The following SFXN1 variants were observed in gnomAD, a reference collection of about 807,000 sequenced individuals.
SFXN1 encodes sideroflexin 1, also known as sideroflexin-1.
A neutral mutation model predicts 39.5 loss-of-function variants in SFXN1; 32 were observed. The ratio of observed to expected loss-of-function variants is 0.81; its 90% CI spans 0.61 to 1.09. SFXN1 has a LOEUF of 1.09. Ranked by LOEUF, SFXN1 falls within the 50% of genes least tolerant of loss-of-function variation. The pLI is 0.00. For synonymous variants in SFXN1, 136 were observed against 146.5 expected (o/e 0.93, Z 0.52); for missense variants, 402 against 407.1 (o/e 0.99, Z 0.11).
chr5:175,491,142 C>T (rs1397797140), intron 1 of SFXN1, among the ~76,000 whole-genome samples: 2 of 152,204 alleles, frequency 1.3e-5, no homozygotes, highest in Non-Finnish European at 2.9e-5. Context: ...AGTAATGGCT[C>T]TTTAGCCAGA....
At chr5:175,522,063 A>C (rs1267535645) in intron 9 of SFXN1, 95 bp downstream of exon 9, 7 of 1,017,970 alleles carry the variant, frequency 6.9e-6, no homozygotes, top group Non-Finnish European at 1.0e-5. Context: ...ACAAATTTTG[A>C]AAATGAGGCC....
intron 6 of SFXN1, among the ~76,000 whole-genome samples, chr5:175,512,892 C>T (rs930786319): frequency 3.3e-5 from 5 of 152,116 alleles, no homozygotes; most frequent in African/African-American, 4.8e-5. Context: ...TTAGTGTGTC[C>T]ACCCTTTGAA....
At chr5:175,499,839 G>C (rs1458539255) in intron 2 of SFXN1, among the ~76,000 whole-genome samples, 4 of 152,106 alleles carry the variant, frequency 2.6e-5, no homozygotes, top group Non-Finnish European at 5.9e-5. Context: ...GACAAAGATA[G>C]GAAATGAAAA....
rs757365315 is a variant in SFXN1, at chr5:175,516,713, A to G, written c.774+50A>G. On this transcript the variant is annotated intron_variant, in intron 8 of 10. Transcript: ENST00000321442. ...TTCTCAACCCTTTTTATTTCTTTTC[A>G]GATTTCAAACCGTATAGATTATTTG... The G allele has an allele frequency of 2.5e-5, 40 of 1,582,712 alleles. No homozygotes were observed. In the Admixed American group the frequency reaches 6.8e-4, roughly 27 times the overall value.
intron 1 of SFXN1, among the ~76,000 whole-genome samples, chr5:175,488,352 G>A (rs567627121): frequency 6.7e-6 from 1 of 149,984 alleles, no homozygotes; most frequent in Non-Finnish European, 1.5e-5. Context: ...GCCCAGGCTG[G>A]AGTGCAATGG....
Position 175,526,676 on chromosome 5 carries a change from C to G in SFXN1, c.911C>G (p.Ala304Gly). Residue 304 changes from alanine to glycine, a missense_variant, in exon 11 of 11, where the codon GCT becomes GGT. By Grantham distance (60) the Ala-to-Gly change is moderately conservative. Coordinates refer to ENST00000321442, the MANE Select transcript of SFXN1 (RefSeq NM_022754.7). ...SVTSLEAELQAKIQESHPELR... is the reference protein window; with the variant it reads ...SVTSLEAELQGKIQESHPELR... The stretch of plus-strand genomic sequence containing the variant: ...ACAAGCTTGGAGGCCGAGTTGCAAG[C>G]TAAGATCCAAGAGAGCCATCCTGAA... The G allele has an allele frequency of 6.2e-7, 1 of 1,614,208 alleles. No individual in the cohort carries two copies. The highest frequency in any genetic ancestry group is 8.5e-7 in the Non-Finnish European group (1 of 1,180,040).
chr5:175,506,674 C>A (rs1367724255), intron 2 of SFXN1, among the ~76,000 whole-genome samples: 4 of 149,180 alleles, frequency 2.7e-5, no homozygotes, highest in South Asian at 2.1e-4. Flanking sequence ...GTATTCATTT[C>A]TTTTTTTTTT....
chr5:175,498,152 T>C (rs1759936072), intron 2 of SFXN1, among the ~76,000 whole-genome samples: 1 of 152,246 alleles, frequency 6.6e-6, no homozygotes, highest in African/African-American at 2.4e-5. Context: ...TAAGGAATTG[T>C]ACTCTGAGGA....
At chr5:175,483,957 T>C (rs1477087192) in intron 1 of SFXN1, 2 of 152,300 alleles carry the variant, frequency 1.3e-5, no homozygotes, top group African/African-American at 4.8e-5. Context: ...ACACATTCTT[T>C]GGCGTCCCGT....
chr5:175,504,435 C>T (rs1005612699), intron 2 of SFXN1, among the ~76,000 whole-genome samples: 3 of 151,750 alleles, frequency 2.0e-5, no homozygotes, highest in South Asian at 2.1e-4. Context: ...ACTAACCGGG[C>T]GTGGTGGCGC....
At chr5:175,519,701 C>T (rs933488948) in intron 8 of SFXN1, among the ~76,000 whole-genome samples, 1 of 151,858 alleles carries the variant, frequency 6.6e-6, no homozygotes, top group African/African-American at 2.4e-5. Context: ...GAAAAACATT[C>T]GGGGTGGTGA....
intron 8 of SFXN1, 25 bp from the exon 9 acceptor site, chr5:175,521,894 C>T: frequency 6.3e-7 from 1 of 1,580,266 alleles, no homozygotes. Flanking sequence ...AAAAAGTATT[C>T]AAAGCCATTT....
chr5:175,480,217 C>T (rs1032654096), intron 1 of SFXN1, among the ~76,000 whole-genome samples: 9 of 152,030 alleles, frequency 5.9e-5, no homozygotes, highest in Non-Finnish European at 1.0e-4. Flanking sequence ...CTGGCTAAGC[C>T]GGTGAAACCC....
At chr5:175,524,125 A>AATATAT (rs771042074) in intron 10 of SFXN1, 18 of 32,482 alleles carry the variant, frequency 5.5e-4, no homozygotes, top group South Asian at 1.4e-3. Flanking sequence ...AAAAAAAAAA[A>AATATAT]ATATATATAT....
Position 175,492,304 on chromosome 5 carries a change from A to C in SFXN1, c.164+37A>C, listed in dbSNP as rs749557331. ...TATTGTTTTTTGGTTTAATGTATAA[A>C]TAGATCATCATGTTAGGCTGCTATC... is the stretch of plus-strand genomic sequence containing the variant. On this transcript the variant is annotated intron_variant, in intron 2 of 10. Transcript: ENST00000321442. 3.3e-6 allele frequency: 5 copies of C among 1,512,146 alleles called. No homozygotes were observed. The South Asian group carries it at 6.3e-5, about 19-fold the overall frequency. The allele number at this position is 1,512,146 out of a possible 1,614,324, so 93.7% of individuals were successfully genotyped here.
chr5:175,511,570 A>G, intron 5 of SFXN1, 44 bp downstream of exon 5: 1 of 1,488,990 alleles, frequency 6.7e-7, no homozygotes, highest in Non-Finnish European at 9.4e-7. Context: ...TTAATTTGTT[A>G]TCACCTGCCT....
intron 2 of SFXN1, among the ~76,000 whole-genome samples, chr5:175,493,194 A>C (rs1759724310): frequency 6.6e-6 from 1 of 152,126 alleles, no homozygotes; most frequent in Non-Finnish European, 1.5e-5. Context: ...CAGAGCCGGC[A>C]GTGAGCCAGG....
At position 175,528,275 on chromosome 5, in the gene SFXN1, A is replaced by G. The variant is rs1761133930; in HGVS notation, c.*1541A>G. 1 of 152,178 alleles carries G rather than the reference A, an allele frequency of 6.6e-6. No homozygotes were observed. The highest frequency in any genetic ancestry group is 2.1e-4 in the South Asian group (1 of 4,830). The allele number at this position is 152,178 out of a possible 1,614,324, so 9.4% of individuals were successfully genotyped here. On this transcript the variant is annotated 3_prime_UTR_variant, in exon 11 of 11. Transcript: ENST00000321442. ...GAAAAATAATACAAATTTAAAAACC[A>G]ATACAGTATAACAACTATTTACATA...
intron 7 of SFXN1, among the ~76,000 whole-genome samples, chr5:175,516,188 A>G (rs1760711558): frequency 1.3e-5 from 2 of 152,164 alleles, no homozygotes; most frequent in South Asian, 4.1e-4. Context: ...ATACCAGTCC[A>G]TGGCCCAGGG....
Sources: allele counts gnomAD v4.1 joint callset (sites outside exome capture counted in the v4.1 genomes callset), GRCh38; gene constraint gnomAD v4.1.1; transcripts MANE v1.5; gene names NCBI Gene and HGNC (gene_info 2026-07-23, HGNC 2026-07-21).